The following GON4L variants were observed in gnomAD, a reference collection of about 807,000 sequenced individuals.
The protein encoded by GON4L is gon-4 like.
A neutral mutation model predicts 211.8 loss-of-function variants in GON4L; 87 were observed. The observed-to-expected ratio is 0.41, with a 90% CI of 0.35 to 0.49. The LOEUF is 0.49. Among genes scored for constraint, GON4L ranks in the 20% least tolerant of loss-of-function variants. The pLI is 0.15. For missense variants in GON4L, 2,155 were observed against 2,659.5 expected, an observed-to-expected ratio of 0.81 and a Z score of 4.17; for synonymous variants, 875 against 962.6, an observed-to-expected ratio of 0.91 and a Z score of 1.68.
rs190545504 is a variant in GON4L at position 155,790,929 on chromosome 1, C to A, written c.1747+4121G>T. The stretch of plus-strand genomic sequence containing the variant: ...ACGGCACTCCAGCCTGGAGACAGAG[C>A]GAGACTCCTTCTCAAAAAAAAACCA... On this transcript the variant is annotated intron_variant, in intron 12 of 31. Transcript: ENST00000368331. 2.4e-4 allele frequency among the ~76,000 whole-genome samples: 35 copies of A among 147,842 alleles called. No homozygotes were observed. In the East Asian group the frequency reaches 6.7e-3, roughly 28 times the overall value.
In GON4L at chr1:155,804,895, A is replaced by C. The variant is rs1466051202; in HGVS notation, c.1645+54T>G. ...TTCTATACCCTTCCAAATACTAAAA[A>C]TTTTACAACAGATAATGGACAGTAT... On this transcript the variant is annotated intron_variant, in intron 11 of 31. Transcript: ENST00000368331. 3 of 1,345,070 alleles carry C rather than the reference A, an allele frequency of 2.2e-6. No individual in the cohort carries two copies. In the East Asian group the frequency reaches 6.9e-5, roughly 31 times the overall value. 83.3% of individuals were successfully genotyped at this position (1,345,070 alleles called of 1,614,324 possible). A position where few individuals can be genotyped will look rare whatever the true frequency, so the allele number is the denominator to read the frequency against.
intron 29 of GON4L, among the ~76,000 whole-genome samples, chr1:155,753,002 G>T (rs1261010486): frequency 1.3e-5 from 2 of 152,134 alleles, no homozygotes; most frequent in Non-Finnish European, 2.9e-5. Flanking sequence ...GAAATTTGTG[G>T]CATTCTTAAT....
intron 2 of GON4L, among the ~76,000 whole-genome samples, chr1:155,845,157 C>A (rs917608820): frequency 3.3e-5 from 5 of 152,196 alleles, no homozygotes; most frequent in African/African-American, 1.2e-4. Flanking sequence ...TTTCCAAGCA[C>A]TGGCCAGAGA....
At chr1:155,831,731 T>G (rs997118563) in intron 2 of GON4L, 4 of 150,982 alleles carry the variant, frequency 2.6e-5, no homozygotes, top group Non-Finnish European at 4.4e-5. Context: ...GGTGCAGGTC[T>G]GTAGTCGCAG....
At chr1:155,745,638 G>A (rs1039744757), downstream of GON4L, among the ~76,000 whole-genome samples, 10 of 152,216 alleles carry the variant, frequency 6.6e-5, no homozygotes, top group African/African-American at 9.6e-5. Context: ...GGCAACCACA[G>A]AGAAGCCGGA....
downstream of GON4L, chr1:155,748,013 G>A: frequency 4.4e-6 from 7 of 1,605,892 alleles, no homozygotes; most frequent in Non-Finnish European, 5.1e-6. Flanking sequence ...ATTAAACACA[G>A]CTTTTGGTCT....
In GON4L at chr1:155,801,509, A is replaced by T. The variant is rs547961723; in HGVS notation, c.1645+3440T>A. Among the ~76,000 whole-genome samples, 3 of 152,006 alleles carry T rather than the reference A, an allele frequency of 2.0e-5. No homozygotes were observed. The East Asian group carries it at 5.8e-4, about 29-fold the overall frequency. ...AGCCCCTCTACTACAGAGGGTGGGT[A>T]AAAAAAAGAAATATGATAAGATTTA... On this transcript the variant is annotated intron_variant, in intron 11 of 31. Transcript: ENST00000368331.
rs748719220 is a variant in GON4L, at chr1:155,765,428, T to C, written c.4045A>G (p.Lys1349Glu). The change falls in exon 21 of 32, where the codon AAA (lysine) becomes GAA (glutamate). Residue 1349 changes from lysine to glutamate, a missense_variant. Lys to Glu is a moderately conservative substitution (Grantham distance 56). This residue lies in a region of GON4L where 615 missense variants were observed against 625.7 expected (regional missense o/e 0.98). Transcript: ENST00000368331. ...TCCAATTCCACAGCATGTTCCACTT[T>C]GATGTCATCACAAATATCACGCTCA... ...SPERDICDDIKVEHAVELDTG... is the reference protein window; with the variant it reads ...SPERDICDDIEVEHAVELDTG... 9.9e-6 allele frequency: 16 copies of C among 1,614,086 alleles called. No individual in the cohort carries two copies. Among genetic ancestry groups the C allele is most frequent in the Non-Finnish European group, 1.4e-5 (16 of 1,180,048 alleles).
chr1:155,795,154 AG>A lies in GON4L; in HGVS notation c.1646-4del, dbSNP rs757940171. ...ATCATCATCATCATCTGCTTCATCT[AG>A]GAAAAAAAAGTGTTTCAGATGCTCA... is the stretch of plus-strand genomic sequence containing the variant. On this transcript the variant is annotated splice_region_variant and splice_polypyrimidine_tract_variant and intron_variant, in intron 11 of 31. Transcript: ENST00000368331. 2.3e-5 allele frequency: 35 copies of A among 1,515,640 alleles called. 1 individual carries two copies. In the South Asian group the frequency reaches 3.1e-4, roughly 14 times the overall value. The allele number at this position is 1,515,640 out of a possible 1,614,324, so 93.9% of individuals were successfully genotyped here. A position where few individuals can be genotyped will look rare whatever the true frequency, so the allele number is the denominator to read the frequency against.
At chr1:155,825,272 T>C (rs1404584256) in intron 3 of GON4L, among the ~76,000 whole-genome samples, 1 of 152,060 alleles carries the variant, frequency 6.6e-6, no homozygotes, top group Non-Finnish European at 1.5e-5. Flanking sequence ...TATGGATGAA[T>C]TTCATAAAAC....
At chr1:155,812,233 C>G (rs907602492) in intron 10 of GON4L, among the ~76,000 whole-genome samples, 1 of 152,078 alleles carries the variant, frequency 6.6e-6, no homozygotes, top group Non-Finnish European at 1.5e-5. Context: ...ATGAGAAACA[C>G]ACATCACTCT....
chr1:155,751,364 G>C (rs1660561870), intron 31 of GON4L, among the ~76,000 whole-genome samples: 1 of 151,876 alleles, frequency 6.6e-6, no homozygotes, highest in Admixed American at 6.6e-5. Flanking sequence ...TTGCCAACAT[G>C]GTGAAACCCC....
chr1:155,801,715 TCTACTAA>T (rs1666683379), intron 11 of GON4L, among the ~76,000 whole-genome samples: 2 of 151,838 alleles, frequency 1.3e-5, no homozygotes, highest in Admixed American at 1.3e-4. Flanking sequence ...AAACCCTGTC[TCTACTAA>T]AAATACAAAG....
rs753393390 is a variant in GON4L, at chr1:155,766,634, T to C, written c.2839A>G (p.Thr947Ala). ...GAREVGNMTG[T>A]TEINSDRSLE... ...CTTCGATCTGAGTTGATCTCAGTGGTTCCAGTCATATTTCCTACCTCTCTA... is the reference window on the plus strand; with the variant it reads ...CTTCGATCTGAGTTGATCTCAGTGGCTCCAGTCATATTTCCTACCTCTCTA... Residue 947 changes from threonine (T) to alanine (A), a missense_variant, in exon 21 of 32, where the codon ACC becomes GCC. Coordinates refer to ENST00000368331, the MANE Select transcript of GON4L (RefSeq NM_001282860.2). The C allele has an allele frequency of 1.2e-6, 2 of 1,614,048 alleles. No homozygotes were observed. Among genetic ancestry groups the C allele is most frequent in the African/African-American group, 1.3e-5 (1 of 74,928 alleles).
At position 155,766,728 on chromosome 1, in the gene GON4L, C is replaced by T. The variant is rs1334448511; in HGVS notation, c.2764-19G>A. On this transcript the variant is annotated intron_variant, in intron 20 of 31. Transcript: ENST00000368331. ...GACTGGCCTATTGGAAACAAGAACACTCTGATCCAGCATATGTCAGAATTT... is the reference window on the plus strand; with the variant it reads ...GACTGGCCTATTGGAAACAAGAACATTCTGATCCAGCATATGTCAGAATTT... The T allele has an allele frequency of 1.2e-5, 20 of 1,613,840 alleles. No individual in the cohort carries two copies. The highest frequency in any genetic ancestry group is 1.7e-4 in the Middle Eastern group (1 of 6,040).
intron 4 of GON4L, among the ~76,000 whole-genome samples, chr1:155,821,792 C>G (rs1668764778): frequency 6.6e-6 from 1 of 152,184 alleles, no homozygotes; most frequent in African/African-American, 2.4e-5. Context: ...CTACTAGGAA[C>G]AGGAATGGCT....
At chr1:155,814,514 ATC>A in intron 8 of GON4L, 65 bp from the exon 9 acceptor site, 1 of 1,489,516 alleles carries the variant, frequency 6.7e-7, no homozygotes, top group Non-Finnish European at 9.3e-7. Context: ...AGTCTGAAGT[ATC>A]TCAAGAGAAG....
At chr1:155,770,845 C>T (rs1417752553) in intron 19 of GON4L, among the ~76,000 whole-genome samples, 3 of 152,022 alleles carry the variant, frequency 2.0e-5, no homozygotes, top group East Asian at 3.8e-4. Context: ...GCCTGAGTGA[C>T]AGAGCAAGAG....
chr1:155,804,193 G>A (rs1666934700), intron 11 of GON4L, among the ~76,000 whole-genome samples: 1 of 152,006 alleles, frequency 6.6e-6, no homozygotes, highest in Non-Finnish European at 1.5e-5. Flanking sequence ...ACCAGCCTGA[G>A]CAACATTTCT....
Sources: allele counts gnomAD v4.1 joint callset (sites outside exome capture counted in the v4.1 genomes callset), GRCh38; gene constraint gnomAD v4.1.1; regional missense constraint gnomAD v4.1.1; transcripts MANE v1.5; gene names NCBI Gene and HGNC (gene_info 2026-07-23, HGNC 2026-07-21).